CARMIL2: variants seen among roughly 807,000 people sequenced by gnomAD.
CARMIL2 encodes capping protein regulator and myosin 1 linker 2.
CARMIL2 carries 96 observed loss-of-function variants against 173.3 expected under a neutral mutation model. That is an observed-to-expected ratio of 0.55 (90% CI 0.47 to 0.66). The LOEUF is 0.66. Ranked by LOEUF, CARMIL2 falls within the 30% of genes least tolerant of loss-of-function variation. The probability of loss-of-function intolerance (pLI) is 0.00; values close to 1 mark genes in which losing one functional copy is unlikely to be tolerated. For missense variants in CARMIL2, 1,771 were observed against 1,906.7 expected (o/e 0.93, Z 1.33); for synonymous variants, 830 against 817.1 (o/e 1.02, Z -0.27).
At position 67,646,432 on chromosome 16, in the gene CARMIL2, A is replaced by C; in HGVS notation, c.381A>C (p.Leu127=). The change falls in exon 6 of 38, where the codon CTA becomes CTC. Residue 127 remains leucine (L), a synonymous_variant. Transcript: ENST00000334583. The surrounding 1 kb of genome is among the most constrained non-coding windows in gnomAD (Gnocchi z 4.6). ...KVFPRSTLGK[L]FRRPTPASML... ...CTCCTTAACCCCCTACCAGGAAGCT[A>C]TTCCGGAGGCCCACACCAGCCTCCA... 1 of 1,613,590 alleles carries C rather than the reference A, an allele frequency of 6.2e-7. No individual in the cohort carries two copies. Among genetic ancestry groups the C allele is most frequent in the African/African-American group, 1.3e-5 (1 of 75,030 alleles).
rs773917212 is a variant in CARMIL2 at position 67,649,780 on chromosome 16, C to A, written c.1920-26C>A. 9 of 1,602,390 alleles carry A rather than the reference C, an allele frequency of 5.6e-6. No homozygotes were observed. The highest frequency in any genetic ancestry group is 1.7e-5 in the Admixed American group (1 of 59,564). On this transcript the variant is annotated intron_variant, in intron 20 of 37. Coordinates refer to ENST00000334583, the MANE Select transcript of CARMIL2 (RefSeq NM_001013838.3). This position sits in a 1 kb window ranked among gnomAD's most constrained non-coding sequence, Gnocchi z 6.7. Reference sequence around the variant, plus strand: ...GGGTGGGGCGTTGGGAAGCTCCGTCCCCGACTGAAGCCAGGCCCGGCCCAG... The same window carrying A: ...GGGTGGGGCGTTGGGAAGCTCCGTCACCGACTGAAGCCAGGCCCGGCCCAG...
intron 32 of CARMIL2, among the ~76,000 whole-genome samples, chr16:67,655,257 C>T (rs1241551717): frequency 6.6e-6 from 1 of 152,150 alleles, no homozygotes; most frequent in African/African-American, 2.4e-5. Flanking sequence ...CATGGTGAAA[C>T]CCTGTCTCTA....
chr16:67,647,527 G>A lies in CARMIL2; in HGVS notation c.796G>A (p.Ala266Thr). The A allele has an allele frequency of 6.2e-7, 1 of 1,608,044 alleles. No homozygotes were observed. Among genetic ancestry groups the A allele is most frequent in the South Asian group, 1.1e-5 (1 of 89,960 alleles). ...SLRGDFVRRL[A>T]QALAGHSSSG... is the part of the protein sequence containing the mutation. ...CCCCAGAGACTTTGTCCGACGACTG[G>A]CCCAGGCGCTGGCGGGACACTCAAG... is the stretch of plus-strand genomic sequence containing the variant. Residue 266 changes from alanine to threonine, a missense_variant, in exon 11 of 38, where the codon GCC (alanine) becomes ACC (threonine). This residue lies in a region of CARMIL2 where 944 missense variants were observed against 975.6 expected (regional missense o/e 0.97). Coordinates refer to ENST00000334583, the MANE Select transcript of CARMIL2 (RefSeq NM_001013838.3).
In CARMIL2 at chr16:67,653,056, G is replaced by T. The variant is rs1455864092; in HGVS notation, c.2922G>T (p.Ala974=). 2 of 1,269,194 alleles carry T rather than the reference G, an allele frequency of 1.6e-6. No individual in the cohort carries two copies. The highest frequency in any genetic ancestry group is 2.0e-6 in the Non-Finnish European group (2 of 996,692). 78.6% of individuals were successfully genotyped at this position (1,269,194 alleles called of 1,614,324 possible). ...AAGCGGAGCCGGAGCCCGAGCTGGC[G>T]GCTCCGGGAGAAGATGCAGAGCCGC... ...AEEAEPEPEL[A]APGEDAEPQA... Residue 974 remains alanine, a synonymous_variant, in exon 29 of 38, where the codon GCG becomes GCT. Transcript: ENST00000334583. The surrounding 1 kb of genome is among the most constrained non-coding windows in gnomAD (Gnocchi z 7.4).
Position 67,657,025 on chromosome 16 carries a change from C to A in CARMIL2, c.4117+144C>A. ...AATCAGGGAGCCAGAAGACCAGGTG[C>A]AAGGGTTTGACAGCAAGCCCTTCCA... On this transcript the variant is annotated intron_variant, in intron 36 of 37. Coordinates refer to ENST00000334583, the MANE Select transcript of CARMIL2 (RefSeq NM_001013838.3). The surrounding 1 kb of genome is among the most constrained non-coding windows in gnomAD (Gnocchi z 4.5). 1 of 791,200 alleles carries A rather than the reference C, an allele frequency of 1.3e-6. No homozygotes were observed. The highest frequency in any genetic ancestry group is 2.0e-6 in the Non-Finnish European group (1 of 497,934). The allele number at this position is 791,200 out of a possible 1,614,324, so 49.0% of individuals were successfully genotyped here.
intron 22 of CARMIL2, chr16:67,650,433 T>G (rs538842607): frequency 1.9e-6 from 1 of 517,968 alleles, no homozygotes; most frequent in African/African-American, 1.9e-5. Flanking sequence ...TAGCCCCATC[T>G]CTGTCCTCAC....
Position 67,646,321 on chromosome 16 carries a change from G to C in CARMIL2, c.374+11G>C. On this transcript the variant is annotated intron_variant, in intron 5 of 37. Transcript: ENST00000334583. The surrounding 1 kb of genome is among the most constrained non-coding windows in gnomAD (Gnocchi z 4.6). ...TCGCTCGACCCTTGGGTGAGGCCTG[G>C]CAAATTCGAGGGGCTGGCAGGGGAG... The C allele has an allele frequency of 1.2e-6, 2 of 1,611,606 alleles. No homozygotes were observed. The highest frequency in any genetic ancestry group is 1.7e-6 in the Non-Finnish European group (2 of 1,178,382).
At chr16:67,650,302 G>A (rs1274823993) in intron 22 of CARMIL2, 152 bp downstream of exon 22, 11 of 638,134 alleles carry the variant, frequency 1.7e-5, no homozygotes, top group South Asian at 5.7e-5. Flanking sequence ...ATCTGGAGGC[G>A]GCTAAACACC....
At chr16:67,647,438 T>C in intron 10 of CARMIL2, 51 bp downstream of exon 10, 1 of 1,555,268 alleles carries the variant, frequency 6.4e-7, no homozygotes, top group East Asian at 2.4e-5. Flanking sequence ...GGCTTGGGAC[T>C]GGGGGCTAGT....
rs2142942978 is a variant in CARMIL2, at chr16:67,653,552, C to G, written c.3120+298C>G. On this transcript the variant is annotated intron_variant, in intron 29 of 37. Transcript: ENST00000334583. The surrounding 1 kb of genome is among the most constrained non-coding windows in gnomAD (Gnocchi z 7.4). ...AGAGGGTGTCCGTCCTCCCTCCCTC[C>G]CCCGGGGCTGCTGAGAGATGCCGGG... Among the ~76,000 whole-genome samples, 1 of 152,280 alleles carries G rather than the reference C, an allele frequency of 6.6e-6. No homozygotes were observed. Among genetic ancestry groups the G allele is most frequent in the East Asian group, 1.9e-4 (1 of 5,160 alleles).
In CARMIL2 at chr16:67,645,779, T is replaced by A; in HGVS notation, c.186+2T>A. The A allele has an allele frequency of 6.2e-7, 1 of 1,611,716 alleles. No homozygotes were observed. The highest frequency in any genetic ancestry group is 8.5e-7 in the Non-Finnish European group (1 of 1,179,858). ...CACACCACCTGCCTCCCGCTGAGGG[T>A]GAGTCCCAGGGCCTGGCCACACCCC... On this transcript the variant is annotated splice_donor_variant, in intron 3 of 37. Transcript: ENST00000334583. LOFTEE classifies it high-confidence loss of function.
Position 67,648,618 on chromosome 16 carries a change from C to A in CARMIL2, c.1440-67C>A. ...AACCTCCCCCAGATCCTGGCCCTGCCTCCTTCGTTCGCACCCTGGAGCCCC... is the reference window on the plus strand; with the variant it reads ...AACCTCCCCCAGATCCTGGCCCTGCATCCTTCGTTCGCACCCTGGAGCCCC... On this transcript the variant is annotated intron_variant, in intron 15 of 37. Coordinates refer to ENST00000334583, the MANE Select transcript of CARMIL2 (RefSeq NM_001013838.3). The surrounding 1 kb of genome is among the most constrained non-coding windows in gnomAD (Gnocchi z 6.1). 1 of 1,520,656 alleles carries A rather than the reference C, an allele frequency of 6.6e-7. No individual in the cohort carries two copies. The highest frequency in any genetic ancestry group is 1.2e-5 in the South Asian group (1 of 83,906). The allele number at this position is 1,520,656 out of a possible 1,614,324, so 94.2% of individuals were successfully genotyped here.
In CARMIL2 at chr16:67,645,629, C is replaced by T; in HGVS notation, c.130C>T (p.Leu44=). ...PGEGAVQNHV[L]ALLRWRAYLL... is the part of the protein sequence containing the mutation. ...GGAGGGTGCTGTGCAAAACCATGTCCTGGTATGGGGCAGGGGACAGAGCCG... is the reference window on the plus strand; with the variant it reads ...GGAGGGTGCTGTGCAAAACCATGTCTTGGTATGGGGCAGGGGACAGAGCCG... The change falls in exon 2 of 38, where the codon CTG becomes TTG. Residue 44 remains leucine (L), a splice_region_variant and synonymous_variant. Transcript: ENST00000334583. 2 of 1,613,580 alleles carry T rather than the reference C, an allele frequency of 1.2e-6. No homozygotes were observed. The highest frequency in any genetic ancestry group is 1.7e-6 in the Non-Finnish European group (2 of 1,179,810).
chr16:67,645,806 G>A (rs751718654), intron 3 of CARMIL2, 29 bp downstream of exon 3: 43 of 1,608,484 alleles, frequency 2.7e-5, no homozygotes, highest in East Asian at 2.5e-4. Context: ...CCACACCCCC[G>A]CCCGCCAGCA....
Position 67,651,539 on chromosome 16 carries a change from C to A in CARMIL2, c.2427+25C>A. 6.4e-7 allele frequency: 1 copy of A among 1,567,798 alleles called. No individual in the cohort carries two copies. The highest frequency in any genetic ancestry group is 1.2e-5 in the South Asian group (1 of 84,332). ...GGTGAGAGGGTACTCCTGCCCCAACCCCACCTCCGTTTGCAGGTTTGACTC... is the reference window on the plus strand; with the variant it reads ...GGTGAGAGGGTACTCCTGCCCCAACACCACCTCCGTTTGCAGGTTTGACTC... On this transcript the variant is annotated intron_variant, in intron 24 of 37. Coordinates refer to ENST00000334583, the MANE Select transcript of CARMIL2 (RefSeq NM_001013838.3). This position sits in a 1 kb window ranked among gnomAD's most constrained non-coding sequence, Gnocchi z 4.2.
In CARMIL2 at chr16:67,650,004, C is replaced by A. The variant is rs752353807; in HGVS notation, c.2082+36C>A. ...CCCTCTTCCCTTGCCCTTCTCTGCA[C>A]GGTAACTCCGTCCCTCGGCATTTCT... On this transcript the variant is annotated intron_variant, in intron 21 of 37. Coordinates refer to ENST00000334583, the MANE Select transcript of CARMIL2 (RefSeq NM_001013838.3). The A allele has an allele frequency of 1.9e-6, 3 of 1,613,512 alleles. No homozygotes were observed. In the South Asian group the frequency reaches 3.3e-5, roughly 18 times the overall value.
rs1309768374 is a variant in CARMIL2 at position 67,656,243 on chromosome 16, G to A, written c.3758G>A (p.Ser1253Asn). The A allele has an allele frequency of 6.2e-7, 1 of 1,613,910 alleles. No individual in the cohort carries two copies. The highest frequency in any genetic ancestry group is 1.3e-5 in the African/African-American group (1 of 74,950). The change falls in exon 34 of 38, where the codon AGT becomes AAT. Residue 1253 changes from serine to asparagine, a missense_variant. Ser to Asn is a conservative substitution (Grantham distance 46). Coordinates refer to ENST00000334583, the MANE Select transcript of CARMIL2 (RefSeq NM_001013838.3). The part of the protein sequence containing the change: ...KAGSDGDIMD[S>N]STEAPPISIK... Reference sequence around the variant, plus strand: ...CGCCTTGCAGGTGACATTATGGACAGTTCCACGGAGGCCCCTCCCATCTCG... The same window carrying A: ...CGCCTTGCAGGTGACATTATGGACAATTCCACGGAGGCCCCTCCCATCTCG...
At position 67,652,433 on chromosome 16, in the gene CARMIL2, C is replaced by G; in HGVS notation, c.2818-39C>G. On this transcript the variant is annotated intron_variant, in intron 27 of 37. Transcript: ENST00000334583. The surrounding 1 kb of genome is among the most constrained non-coding windows in gnomAD (Gnocchi z 4.7). Reference sequence around the variant, plus strand: ...GAAAGGCAGCTCTTTTGGGTTGGTGCTCTCCTACCCCAGGCTGAGTTTGTG... The same window carrying G: ...GAAAGGCAGCTCTTTTGGGTTGGTGGTCTCCTACCCCAGGCTGAGTTTGTG... The G allele has an allele frequency of 1.2e-6, 2 of 1,611,458 alleles. No individual in the cohort carries two copies. The highest frequency in any genetic ancestry group is 1.7e-6 in the Non-Finnish European group (2 of 1,178,358).
chr16:67,653,126 G>T lies in CARMIL2; in HGVS notation c.2992G>T (p.Gly998Trp). Residue 998 changes from glycine (G) to tryptophan (W), a missense_variant, in exon 29 of 38, where the codon GGG (glycine) becomes TGG (tryptophan). Transcript: ENST00000334583. This position sits in a 1 kb window ranked among gnomAD's most constrained non-coding sequence, Gnocchi z 7.4. ...ARGSPSPAAP[G>W]PPAGPLPRMD... ...CGGCTCTCCGAGCCCTGCCGCCCCT[G>T]GGCCCCCGGCCGGCCCGCTGCCCCG... 1 of 1,123,798 alleles carries T rather than the reference G, an allele frequency of 8.9e-7. No individual in the cohort carries two copies. The highest frequency in any genetic ancestry group is 1.1e-6 in the Non-Finnish European group (1 of 917,760). The allele number at this position is 1,123,798 out of a possible 1,614,324, so 69.6% of individuals were successfully genotyped here.
Sources: allele counts gnomAD v4.1 joint callset (sites outside exome capture counted in the v4.1 genomes callset), GRCh38; gene constraint gnomAD v4.1.1; regional missense constraint gnomAD v4.1.1; non-coding constraint Gnocchi (gnomAD v3.1); transcripts MANE v1.5; gene names NCBI Gene and HGNC (gene_info 2026-07-23, HGNC 2026-07-21).